CCDC141: variants seen among roughly 807,000 people sequenced by gnomAD.
CCDC141 encodes the protein coiled-coil domain containing 141.
Under a neutral mutation model 181.0 loss-of-function variants are expected in CCDC141, and 168 were observed. That is an observed-to-expected ratio of 0.93 (90% CI 0.82 to 1.05). The LOEUF (loss-of-function observed/expected upper bound fraction) is 1.05. CCDC141 is among the 50% of genes least tolerant of loss of function. CCDC141 has a pLI of 0.00. For missense variants in CCDC141, 1,902 were observed against 1,788.5 expected (o/e 1.06, Z -1.14); for synonymous variants, 666 against 642.3 (o/e 1.04, Z -0.56).
At chr2:178,864,690 G>A (rs1230035024) in intron 17 of CCDC141, among the ~76,000 whole-genome samples, 1 of 152,150 alleles carries the variant, frequency 6.6e-6, no homozygotes, top group Non-Finnish European at 1.5e-5. Flanking sequence ...GTCTGTAAAT[G>A]TGTGGCCTAC....
intron 6 of CCDC141, among the ~76,000 whole-genome samples, chr2:178,931,943 T>G (rs10803921): frequency 0.96 from 146,588 of 152,202 alleles, 70,788 homozygotes; most frequent in East Asian, 1. Context: ...AGGAGGGCAG[T>G]TCACTTGAGG....
At chr2:178,913,885 C>T (rs1025925661) in intron 7 of CCDC141, among the ~76,000 whole-genome samples, 5 of 152,136 alleles carry the variant, frequency 3.3e-5, no homozygotes, top group African/African-American at 1.2e-4. Context: ...GCATAGGACA[C>T]GATACATTAT....
intron 2 of CCDC141, among the ~76,000 whole-genome samples, chr2:178,993,610 C>A (rs1365592748): frequency 6.6e-6 from 1 of 152,154 alleles, no homozygotes; most frequent in Non-Finnish European, 1.5e-5. Flanking sequence ...CCTCCCAAAT[C>A]TCATGTCCTT....
At chr2:178,957,323 A>G (rs2154378559) in intron 5 of CCDC141, among the ~76,000 whole-genome samples, 1 of 152,320 alleles carries the variant, frequency 6.6e-6, no homozygotes, top group East Asian at 1.9e-4. Context: ...TGAGTTAAGT[A>G]TTATTCCCAA....
intron 2 of CCDC141, among the ~76,000 whole-genome samples, chr2:179,015,470 A>G (rs1482188986): frequency 9.7e-6 from 1 of 102,876 alleles, no homozygotes; most frequent in East Asian, 3.4e-4. Flanking sequence ...TATATCTCAT[A>G]TATGTGCCAT....
At chr2:178,894,622 A>G (rs1026682698) in intron 8 of CCDC141, among the ~76,000 whole-genome samples, 13 of 152,120 alleles carry the variant, frequency 8.5e-5, no homozygotes. Flanking sequence ...AAATGAAAAC[A>G]ATATATTTTC....
chr2:178,869,295 T>C lies in CCDC141; in HGVS notation c.2216A>G (p.Asp739Gly). 1 of 1,581,526 alleles carries C rather than the reference T, an allele frequency of 6.3e-7. No homozygotes were observed. Among genetic ancestry groups the C allele is most frequent in the Non-Finnish European group, 8.5e-7 (1 of 1,170,288 alleles). Residue 739 changes from aspartate to glycine, a missense_variant, in exon 15 of 24, where the codon GAT becomes GGT. Transcript: ENST00000443758. The part of the protein sequence containing the change: ...DMKPQFQQLN[D>G]EVQYIMKESE... Reference sequence around the variant, plus strand: ...TTCTTTCATAATGTACTGAACCTCATCATTCAATTGCTAAAACATTGAAAG... The same window carrying C: ...TTCTTTCATAATGTACTGAACCTCACCATTCAATTGCTAAAACATTGAAAG...
intron 5 of CCDC141, 78 bp downstream of exon 5, chr2:178,961,152 C>A: frequency 6.9e-7 from 1 of 1,446,820 alleles, no homozygotes; most frequent in South Asian, 1.4e-5. Flanking sequence ...GACTGACAAA[C>A]TGCCCCAGGG....
At chr2:178,918,153 C>T (rs1263554886) in intron 7 of CCDC141, among the ~76,000 whole-genome samples, 2 of 151,874 alleles carry the variant, frequency 1.3e-5, no homozygotes, top group African/African-American at 2.4e-5. Flanking sequence ...CTCATGCCTA[C>T]AATTTCAATA....
chr2:179,016,463 T>C (rs1422995048), intron 2 of CCDC141, among the ~76,000 whole-genome samples: 1 of 152,072 alleles, frequency 6.6e-6, no homozygotes, highest in Non-Finnish European at 1.5e-5. Context: ...AGTTAGTAAA[T>C]CTAAGTGAAG....
At chr2:178,829,317 G>C (rs1490096385), downstream of CCDC141, among the ~76,000 whole-genome samples, 1 of 152,216 alleles carries the variant, frequency 6.6e-6, no homozygotes, top group African/African-American at 2.4e-5. Flanking sequence ...GATTTGCCAT[G>C]TCCTGGGTTA....
At chr2:178,974,530 G>A (rs192828627) in intron 4 of CCDC141, among the ~76,000 whole-genome samples, 19 of 152,238 alleles carry the variant, frequency 1.2e-4, no homozygotes, top group African/African-American at 3.6e-4. Flanking sequence ...GTTGTTCAGA[G>A]GGAACTGAAA....
chr2:178,833,877 A>G lies in CCDC141; in HGVS notation c.*296T>C. On this transcript the variant is annotated 3_prime_UTR_variant, in exon 24 of 24. Transcript: ENST00000443758. The stretch of plus-strand genomic sequence containing the variant: ...TCAGCCTTCATCTGCACGCCCTTAA[A>G]TTAGGAGGGAATAGGCATAGAATAA... The G allele has an allele frequency of 3.5e-6, 1 of 284,124 alleles. No homozygotes were observed. Among genetic ancestry groups the G allele is most frequent in the Non-Finnish European group, 6.6e-6 (1 of 151,220 alleles). 17.6% of individuals were successfully genotyped at this position (284,124 alleles called of 1,614,324 possible).
At chr2:178,915,858 T>G (rs1688422821) in intron 7 of CCDC141, 1 of 152,168 alleles carries the variant, frequency 6.6e-6, no homozygotes, top group Non-Finnish European at 1.5e-5. Context: ...AACTACAGAT[T>G]CCCCAAGCTT....
chr2:178,880,215 A>G (rs1686533441), intron 11 of CCDC141, among the ~76,000 whole-genome samples: 1 of 152,212 alleles, frequency 6.6e-6, no homozygotes, highest in South Asian at 2.1e-4. Context: ...GAACCATATT[A>G]TTATAGAAAT....
At chr2:178,968,898 G>A (rs1432865162) in intron 4 of CCDC141, among the ~76,000 whole-genome samples, 2 of 151,700 alleles carry the variant, frequency 1.3e-5, no homozygotes, top group Non-Finnish European at 2.9e-5. Context: ...ATGATATAGG[G>A]CATATCACCA....
chr2:179,030,143 A>G (rs1326039922), intron 2 of CCDC141, among the ~76,000 whole-genome samples: 1 of 152,116 alleles, frequency 6.6e-6, no homozygotes, highest in Non-Finnish European at 1.5e-5. Context: ...TTCAGAACTT[A>G]GGCTGTCATC....
At chr2:178,961,960 C>T (rs1322686955) in intron 4 of CCDC141, among the ~76,000 whole-genome samples, 1 of 152,182 alleles carries the variant, frequency 6.6e-6, no homozygotes, top group Non-Finnish European at 1.5e-5. Context: ...AAAGGGTCAG[C>T]TGTCACTCAG....
chr2:179,015,102 ATAATATATATATAATCATATATATATATC>A (rs2042414531), intron 2 of CCDC141, among the ~76,000 whole-genome samples: 1 of 27,024 alleles, frequency 3.7e-5, no homozygotes. Context: ...ATATATATAT[ATAATATATATATAATCATATATATATATC>A]ATATCATATA....
Sources: gnomAD v4.1 joint callset for allele counts (sites outside exome capture counted in the v4.1 genomes callset) on GRCh38, gnomAD v4.1.1 for gene constraint, MANE v1.5 for transcripts, NCBI Gene and HGNC (gene_info 2026-07-23, HGNC 2026-07-21) for gene names.